The following ELOVL7 variants were observed in gnomAD, a reference collection of about 807,000 sequenced individuals.
The protein encoded by ELOVL7 is ELOVL fatty acid elongase 7.
In ELOVL7, 27 loss-of-function variants were observed where a neutral mutation model predicts 35.7. That is an observed-to-expected ratio of 0.76 (90% CI 0.56 to 1.04). ELOVL7 has a LOEUF of 1.04. ELOVL7 is among the 50% of genes least tolerant of loss of function. The pLI, the probability that ELOVL7 is intolerant of heterozygous loss-of-function variation, is 0.00. For synonymous variants in ELOVL7, 113 were observed against 114.6 expected (o/e 0.99, Z 0.09); for missense variants, 327 against 340.8 (o/e 0.96, Z 0.32).
At chr5:60,799,813 G>A (rs924758458) in intron 1 of ELOVL7, among the ~76,000 whole-genome samples, 18 of 152,118 alleles carry the variant, frequency 1.2e-4, no homozygotes, top group African/African-American at 2.6e-4. Flanking sequence ...TGAGGCGGGC[G>A]GATCACCTGA....
At chr5:60,761,976 G>A (rs1341256369) in intron 7 of ELOVL7, among the ~76,000 whole-genome samples, 1 of 152,012 alleles carries the variant, frequency 6.6e-6, no homozygotes, top group Non-Finnish European at 1.5e-5. Context: ...CTGCTAGTGT[G>A]GAGATAAATC....
chr5:60,769,232 C>T (rs1579790084), intron 4 of ELOVL7, among the ~76,000 whole-genome samples: 1 of 152,180 alleles, frequency 6.6e-6, no homozygotes, highest in East Asian at 1.9e-4. Context: ...ATGGCTAATT[C>T]TGTTTTATAA....
intron 1 of ELOVL7, among the ~76,000 whole-genome samples, chr5:60,828,564 C>T (rs2112376336): frequency 6.6e-6 from 1 of 152,030 alleles, no homozygotes; most frequent in South Asian, 2.1e-4. Flanking sequence ...TTTATGTATC[C>T]AGATCATACT....
intron 1 of ELOVL7, among the ~76,000 whole-genome samples, chr5:60,808,131 C>G (rs1441495126): frequency 1.3e-5 from 2 of 149,696 alleles, no homozygotes; most frequent in Admixed American, 6.7e-5. Flanking sequence ...GTATTCACAA[C>G]CAAACAGTGA....
At chr5:60,773,884 T>C (rs975458666) in intron 3 of ELOVL7, among the ~76,000 whole-genome samples, 2 of 152,288 alleles carry the variant, frequency 1.3e-5, no homozygotes, top group African/African-American at 2.4e-5. Flanking sequence ...TTCATGTTCA[T>C]CATGAATTGC....
At chr5:60,833,491 T>A (rs1746607279) in intron 1 of ELOVL7, among the ~76,000 whole-genome samples, 5 of 152,122 alleles carry the variant, frequency 3.3e-5, no homozygotes, top group Admixed American at 3.3e-4. Flanking sequence ...GTTGGCCGCC[T>A]CCTTTTCTTG....
At chr5:60,815,366 A>G (rs1272613872) in intron 1 of ELOVL7, among the ~76,000 whole-genome samples, 2 of 152,184 alleles carry the variant, frequency 1.3e-5, no homozygotes, top group African/African-American at 4.8e-5. Context: ...CACTAAATCT[A>G]CTACTTACAC....
intron 1 of ELOVL7, among the ~76,000 whole-genome samples, chr5:60,801,741 C>G (rs753568663): frequency 6.6e-6 from 1 of 151,746 alleles, no homozygotes; most frequent in African/African-American, 2.4e-5. Flanking sequence ...TAGAACAAAG[C>G]GAGCAGAAGG....
intron 1 of ELOVL7, among the ~76,000 whole-genome samples, chr5:60,826,516 T>C (rs1314566029): frequency 6.6e-6 from 1 of 152,196 alleles, no homozygotes; most frequent in East Asian, 1.9e-4. Flanking sequence ...TATGGATCTT[T>C]GCCCTGCACT....
In ELOVL7 at chr5:60,757,541, A is replaced by C. The variant is rs1410000088; in HGVS notation, c.604T>G (p.Trp202Gly). The change falls in exon 8 of 9, where the codon TGG becomes GGG. Residue 202 changes from tryptophan to glycine, a missense_variant. Transcript: ENST00000508821. ...ALGPAYQKYL[W>G]WKKYLTSLQL... ...AATGATGTCAAATATTTTTTCCACC[A>C]CAAATACTTCTGGTAGGCTGGCCCC... 6.2e-7 allele frequency: 1 copy of C among 1,613,420 alleles called. No homozygotes were observed.
At chr5:60,821,350 G>A (rs997102734) in intron 1 of ELOVL7, among the ~76,000 whole-genome samples, 1 of 152,160 alleles carries the variant, frequency 6.6e-6, no homozygotes, top group Non-Finnish European at 1.5e-5. Context: ...AGTATTCGCT[G>A]AACGAATGAT....
intron 1 of ELOVL7, among the ~76,000 whole-genome samples, chr5:60,819,946 G>A (rs2112349923): frequency 6.6e-6 from 1 of 152,224 alleles, no homozygotes; most frequent in African/African-American, 2.4e-5. Flanking sequence ...CTTAAAATAG[G>A]GATTTACCCT....
chr5:60,777,601 AG>A (rs1446705929), intron 3 of ELOVL7, among the ~76,000 whole-genome samples: 1 of 152,146 alleles, frequency 6.6e-6, no homozygotes, highest in Non-Finnish European at 1.5e-5. Context: ...TATAAGATTG[AG>A]GGTTGCCATC....
intron 1 of ELOVL7, among the ~76,000 whole-genome samples, chr5:60,820,253 C>G (rs1561466696): frequency 6.6e-6 from 1 of 152,230 alleles, no homozygotes; most frequent in Non-Finnish European, 1.5e-5. Flanking sequence ...CAAATGGAGC[C>G]TCCTAATAAG....
chr5:60,798,485 T>A (rs1467405877), intron 2 of ELOVL7, among the ~76,000 whole-genome samples: 3 of 152,104 alleles, frequency 2.0e-5, no homozygotes, highest in Non-Finnish European at 4.4e-5. Context: ...GCTTAGAGAT[T>A]AAAGTGGACT....
intron 2 of ELOVL7, among the ~76,000 whole-genome samples, chr5:60,795,321 C>G (rs189456817): frequency 6.6e-6 from 1 of 152,208 alleles, no homozygotes; most frequent in Admixed American, 6.5e-5. Context: ...CCTTTAAACA[C>G]GGGGCTTGTA....
At chr5:60,831,028 A>G (rs1435886682) in intron 1 of ELOVL7, among the ~76,000 whole-genome samples, 1 of 152,234 alleles carries the variant, frequency 6.6e-6, no homozygotes, top group Non-Finnish European at 1.5e-5. Flanking sequence ...TATATTTCAT[A>G]TGTCCAGTGT....
At chr5:60,811,703 A>G (rs1745245248) in intron 1 of ELOVL7, among the ~76,000 whole-genome samples, 1 of 152,146 alleles carries the variant, frequency 6.6e-6, no homozygotes, top group South Asian at 2.1e-4. Context: ...TCACCATGTG[A>G]TGCCCTGTAC....
intron 1 of ELOVL7, among the ~76,000 whole-genome samples, chr5:60,829,729 G>A (rs1387288006): frequency 6.6e-6 from 1 of 152,148 alleles, no homozygotes; most frequent in Non-Finnish European, 1.5e-5. Flanking sequence ...ACAACTGAGT[G>A]CTCATAATGG....
Sources: allele counts gnomAD v4.1 joint callset (sites outside exome capture counted in the v4.1 genomes callset), GRCh38; gene constraint gnomAD v4.1.1; transcripts MANE v1.5; gene names NCBI Gene and HGNC (gene_info 2026-07-23, HGNC 2026-07-21).